The following EXOC2 variants were observed in gnomAD, a reference collection of about 807,000 sequenced individuals.
EXOC2 encodes the protein SEC5-like 1.
EXOC2 carries 70 observed loss-of-function variants against 131.8 expected under a neutral mutation model. The observed-to-expected ratio is 0.53, with a 90% CI of 0.44 to 0.65. EXOC2 has a LOEUF of 0.65. Among genes scored for constraint, EXOC2 ranks in the 30% least tolerant of loss-of-function variants. The probability of loss-of-function intolerance (pLI) is 0.00; values close to 1 mark genes in which losing one functional copy is unlikely to be tolerated. For synonymous variants in EXOC2, 411 were observed against 398.4 expected, an observed-to-expected ratio of 1.03 and a Z score of -0.38; for missense variants, 923 against 1,108.6, an observed-to-expected ratio of 0.83 and a Z score of 2.38.
chr6:524,887 C>T (rs920737543), intron 23 of EXOC2: 1 of 13,116 alleles, frequency 7.6e-5, no homozygotes, highest in Non-Finnish European at 1.1e-4. Context: ...AAGTTTCCAT[C>T]GAGTGTTTCT....
At chr6:685,511 T>G (rs929407866) in intron 1 of EXOC2, among the ~76,000 whole-genome samples, 7 of 152,132 alleles carry the variant, frequency 4.6e-5, no homozygotes, top group African/African-American at 1.7e-4. Context: ...GTGATTTTCT[T>G]CCCCAGTTCT....
intron 7 of EXOC2, among the ~76,000 whole-genome samples, chr6:608,423 T>C (rs773289273): frequency 6.6e-6 from 1 of 152,232 alleles, no homozygotes; most frequent in African/African-American, 2.4e-5. Context: ...TATAAAGAAA[T>C]GTATTTTAGG....
intron 10 of EXOC2, among the ~76,000 whole-genome samples, chr6:596,439 C>T (rs925788381): frequency 6.6e-6 from 1 of 150,510 alleles, no homozygotes; most frequent in Non-Finnish European, 1.5e-5. Context: ...ACGATCACAT[C>T]TCAGTGCAGT....
intron 1 of EXOC2, among the ~76,000 whole-genome samples, chr6:677,934 T>A (rs576225288): frequency 0.017 from 2,443 of 147,332 alleles, 81 homozygotes; most frequent in African/African-American, 0.055. Flanking sequence ...TTATAATCTC[T>A]CACACACACA....
intron 1 of EXOC2, among the ~76,000 whole-genome samples, chr6:642,887 A>G (rs1041875593): frequency 1.3e-5 from 2 of 152,038 alleles, no homozygotes; most frequent in Non-Finnish European, 2.9e-5. Context: ...CTGGAAGAAA[A>G]AAAGTCTGAA....
intron 14 of EXOC2, 21 bp from the exon 15 acceptor site, chr6:564,723 A>G: frequency 6.3e-7 from 1 of 1,585,896 alleles, no homozygotes; most frequent in Non-Finnish European, 8.6e-7. Context: ...AGGAACAAGC[A>G]TAACCGTGTT....
chr6:564,237 TC>T, intron 15 of EXOC2, 83 bp from the exon 16 acceptor site: 1 of 1,539,852 alleles, frequency 6.5e-7, no homozygotes, highest in African/African-American at 1.4e-5. Flanking sequence ...GTATAATCAT[TC>T]CTCACGGAGC....
Position 487,191 on chromosome 6 carries a change from C to T in EXOC2, c.2682-427G>A, listed in dbSNP as rs150842678. On this transcript the variant is annotated intron_variant, in intron 27 of 27. Coordinates refer to ENST00000230449, the MANE Select transcript of EXOC2 (RefSeq NM_018303.6). ...CATGGCTGCACCCTTTCCCCTGCTG[C>T]CCCTCTAGTCAGCCTCTTCCCTAAC... Among the ~76,000 whole-genome samples the T allele has an allele frequency of 4.2e-4, 64 of 152,284 alleles. 1 individual carries two copies. Among genetic ancestry groups the T allele is most frequent in the Non-Finnish European group, 8.7e-4 (59 of 68,010 alleles).
At chr6:516,444 C>T (rs1047898348) in intron 23 of EXOC2, among the ~76,000 whole-genome samples, 1 of 152,230 alleles carries the variant, frequency 6.6e-6, no homozygotes. Context: ...CCCAACAGAG[C>T]TGTGTGGCAC....
chr6:640,902 CGAAATCATTCTAAAGTTT>C (rs1762324428), intron 1 of EXOC2, among the ~76,000 whole-genome samples: 1 of 151,592 alleles, frequency 6.6e-6, no homozygotes, highest in Admixed American at 6.6e-5. Context: ...AAAAAAACTT[CGAAATCATTCTAAAGTTT>C]GATACCAAAT....
chr6:632,849 G>A, intron 3 of EXOC2, 92 bp downstream of exon 3: 1 of 1,208,960 alleles, frequency 8.3e-7, no homozygotes, highest in East Asian at 2.4e-5. Flanking sequence ...TATGCAAGTA[G>A]GTAGGTTTTA....
At chr6:668,516 T>C (rs1026746151) in intron 1 of EXOC2, among the ~76,000 whole-genome samples, 3 of 152,234 alleles carry the variant, frequency 2.0e-5, no homozygotes, top group Admixed American at 2.0e-4. Context: ...GCCAACTAAC[T>C]TCCACCATTC....
chr6:598,577 G>GTC (rs1204384802), intron 9 of EXOC2, among the ~76,000 whole-genome samples: 1 of 152,182 alleles, frequency 6.6e-6, no homozygotes, highest in Non-Finnish European at 1.5e-5. Flanking sequence ...GAAAATACTT[G>GTC]TCATTGATTC....
chr6:684,495 A>G (rs1383395426), intron 1 of EXOC2, among the ~76,000 whole-genome samples: 1 of 152,238 alleles, frequency 6.6e-6, no homozygotes, highest in Non-Finnish European at 1.5e-5. Context: ...ACATTTTCTT[A>G]CAATTTATAC....
At chr6:556,669 A>C in intron 17 of EXOC2, 105 bp from the exon 18 acceptor site, 1 of 1,195,090 alleles carries the variant, frequency 8.4e-7, no homozygotes, top group Non-Finnish European at 1.2e-6. Flanking sequence ...TTCCAGATTA[A>C]TGGAATGGAA....
At chr6:673,676 T>A (rs1435516915) in intron 1 of EXOC2, among the ~76,000 whole-genome samples, 1 of 152,134 alleles carries the variant, frequency 6.6e-6, no homozygotes, top group Non-Finnish European at 1.5e-5. Context: ...CAAAGCAGAT[T>A]TACACTTCAA....
intron 11 of EXOC2, among the ~76,000 whole-genome samples, chr6:588,565 G>C (rs1474774272): frequency 6.6e-6 from 1 of 152,232 alleles, no homozygotes; most frequent in Non-Finnish European, 1.5e-5. Context: ...ATGTTGGCCA[G>C]GCTGGTGTTG....
At chr6:526,100 A>T (rs1765718539) in intron 23 of EXOC2, among the ~76,000 whole-genome samples, 1 of 152,210 alleles carries the variant, frequency 6.6e-6, no homozygotes, top group Non-Finnish European at 1.5e-5. Context: ...TAGACACAAA[A>T]TTTCTAAGTA....
intron 21 of EXOC2, 86 bp downstream of exon 21, chr6:553,767 AG>A (rs1203926942): frequency 9.4e-7 from 1 of 1,068,860 alleles, no homozygotes; most frequent in African/African-American, 1.6e-5. Flanking sequence ...TGCTATAGCA[AG>A]GATGCAGGAA....
Sources: allele counts gnomAD v4.1 joint callset (sites outside exome capture counted in the v4.1 genomes callset), GRCh38; gene constraint gnomAD v4.1.1; transcripts MANE v1.5; gene names NCBI Gene and HGNC (gene_info 2026-07-23, HGNC 2026-07-21).